BGN: variants seen among roughly 807,000 people sequenced by gnomAD.
BGN encodes the protein bone/cartilage proteoglycan-I.
In BGN, 6 loss-of-function variants were observed where a neutral mutation model predicts 20.0. The ratio of observed to expected loss-of-function variants is 0.30; its 90% CI spans 0.16 to 0.59. The LOEUF is 0.59. Among genes scored for constraint, BGN ranks in the 20% least tolerant of loss-of-function variants. The pLI is 0.88. For missense variants in BGN, 292 were observed against 312.1 expected (o/e 0.94, Z 0.49); for synonymous variants, 146 against 134.6 (o/e 1.08, Z -0.59).
At chrX:153,500,484 G>T (rs958630659) in intron 1 of BGN, among the ~76,000 whole-genome samples, 5 of 112,157 alleles carry the variant, frequency 4.5e-5, no homozygotes, top group African/African-American at 1.6e-4. Flanking sequence ...TTGAGGACTG[G>T]AGGGACTTGC....
At chrX:153,507,562 G>A (rs1337272378) in intron 7 of BGN, among the ~76,000 whole-genome samples, 4 of 112,970 alleles carry the variant, frequency 3.5e-5, no homozygotes, top group African/African-American at 6.4e-5. Flanking sequence ...GGATTCTATC[G>A]GGAGCTTCCA....
At chrX:153,505,201 C>T in intron 2 of BGN, 37 bp from the exon 3 acceptor site, 1 of 1,137,141 alleles carries the variant, frequency 8.8e-7, no homozygotes, top group Non-Finnish European at 1.2e-6. Flanking sequence ...GCCCCTAGGT[C>T]TCAAGTTCAT....
At chrX:153,504,931 C>T (rs1324907078) in intron 2 of BGN, 62 bp downstream of exon 2, 29 of 1,062,367 alleles carry the variant, frequency 2.7e-5, no homozygotes, top group Non-Finnish European at 3.6e-5. Context: ...CCTGAGAGCC[C>T]CTTCTGAAGG....
At chrX:153,503,637 G>A (rs1364971207) in intron 1 of BGN, among the ~76,000 whole-genome samples, 1 of 112,025 alleles carries the variant, frequency 8.9e-6, no homozygotes, top group Non-Finnish European at 1.9e-5. Flanking sequence ...CTGATGAGGA[G>A]GGAGGAGGCA....
At chrX:153,501,976 C>A (rs1328405453) in intron 1 of BGN, among the ~76,000 whole-genome samples, 1 of 112,485 alleles carries the variant, frequency 8.9e-6, no homozygotes, top group Non-Finnish European at 1.9e-5. Flanking sequence ...CCGCCTGAGA[C>A]CCCGATGGCC....
At chrX:153,500,953 T>C (rs1027656961) in intron 1 of BGN, among the ~76,000 whole-genome samples, 1 of 111,889 alleles carries the variant, frequency 8.9e-6, no homozygotes, top group East Asian at 2.8e-4. Flanking sequence ...TGTGTATACA[T>C]GGGTATGCAT....
At chrX:153,504,902 C>T in intron 2 of BGN, 33 bp downstream of exon 2, 1 of 1,138,047 alleles carries the variant, frequency 8.8e-7, no homozygotes, top group Non-Finnish European at 1.2e-6. Flanking sequence ...GCGGGGCATG[C>T]AGGGAGGCTC....
rs1556993364 is a variant in BGN, at chrX:153,507,037, C to G, written c.771-10C>G. The G allele has an allele frequency of 8.3e-7, 1 of 1,210,216 alleles. No individual in the cohort carries two copies. Among genetic ancestry groups the G allele is most frequent in the South Asian group, 1.8e-5 (1 of 56,848 alleles). ...CAGCCTTTGAGTCCGTGTCATTCTC[C>G]CGCTCACAGGCTGGGCCTAGGCCAC... On this transcript the variant is annotated splice_polypyrimidine_tract_variant and intron_variant, in intron 6 of 7. Transcript: ENST00000331595.
rs2065930793 is a variant in BGN, at chrX:153,506,763, C to T, written c.677-67C>T. On this transcript the variant is annotated intron_variant, in intron 5 of 7. Coordinates refer to ENST00000331595, the MANE Select transcript of BGN (RefSeq NM_001711.6). ...AGGCTCAACAGTCCCCTCCCGCCAC[C>T]TGGGGCAGAGCTAGGGCCCCTGCCC... 3 of 1,162,459 alleles carry T rather than the reference C, an allele frequency of 2.6e-6. No homozygotes were observed. In the African/African-American group the frequency reaches 5.3e-5, roughly 21 times the overall value.
intron 1 of BGN, among the ~76,000 whole-genome samples, chrX:153,504,183 C>G (rs1556992483): frequency 8.9e-6 from 1 of 112,023 alleles, no homozygotes; most frequent in Non-Finnish European, 1.9e-5. Flanking sequence ...CAGTGATGTC[C>G]CCAAAAGTGA....
Position 153,507,036 on chromosome X carries a change from C to T in BGN, c.771-11C>T, listed in dbSNP as rs781959279. The T allele has an allele frequency of 8.3e-7, 1 of 1,210,185 alleles. No individual in the cohort carries two copies. The highest frequency in any genetic ancestry group is 1.1e-6 in the Non-Finnish European group (1 of 894,222). On this transcript the variant is annotated splice_polypyrimidine_tract_variant and intron_variant, in intron 6 of 7. Transcript: ENST00000331595. ...CCAGCCTTTGAGTCCGTGTCATTCT[C>T]CCGCTCACAGGCTGGGCCTAGGCCA... is the stretch of plus-strand genomic sequence containing the variant.
At position 153,505,916 on chromosome X, in the gene BGN, C is replaced by T; in HGVS notation, c.405C>T (p.Ser135=). 2 of 1,211,901 alleles carry T rather than the reference C, an allele frequency of 1.7e-6. No individual in the cohort carries two copies. Among genetic ancestry groups the T allele is most frequent in the Non-Finnish European group, 1.1e-6 (1 of 895,550 alleles). ...CCAAGATCCATGAGAAGGCCTTCAGCCCACTGCGGAAGCTGCAGAAGCTCT... is the reference window on the plus strand; with the variant it reads ...CCAAGATCCATGAGAAGGCCTTCAGTCCACTGCGGAAGCTGCAGAAGCTCT... ...KISKIHEKAF[S]PLRKLQKLYI... Residue 135 remains serine, a synonymous_variant, in exon 4 of 8, where the codon AGC becomes AGT. Coordinates refer to ENST00000331595, the MANE Select transcript of BGN (RefSeq NM_001711.6).
chrX:153,497,913 C>T (rs782561437), intron 1 of BGN, among the ~76,000 whole-genome samples: 5 of 112,620 alleles, frequency 4.4e-5, no homozygotes, highest in Non-Finnish European at 3.8e-5. Context: ...CGTCATGGCT[C>T]TAGGTCAGAG....
At chrX:153,507,265 C>T (rs1290566558) in intron 7 of BGN, 80 bp downstream of exon 7, 5 of 1,085,175 alleles carry the variant, frequency 4.6e-6, no homozygotes, top group East Asian at 3.2e-5. Context: ...GTCCCTCAGT[C>T]CCCTGGCCCT....
chrX:153,499,689 C>G (rs1306104221), intron 1 of BGN, among the ~76,000 whole-genome samples: 1 of 113,335 alleles, frequency 8.8e-6, no homozygotes, highest in Non-Finnish European at 1.9e-5. Flanking sequence ...ACACGCCGGG[C>G]TTTGGCAAGG....
Position 153,500,763 on chromosome X carries a change from A to G in BGN, c.-11-3858A>G, listed in dbSNP as rs7064537. Among the ~76,000 whole-genome samples, 11 of 107,712 alleles carry G rather than the reference A, an allele frequency of 1.0e-4. No homozygotes were observed. The South Asian group carries it at 3.7e-3, about 36-fold the overall frequency. The allele number at this position is 107,712 out of a possible 115,157, so 93.5% of individuals were successfully genotyped here. On this transcript the variant is annotated intron_variant, in intron 1 of 7. Transcript: ENST00000331595. ...TGTGTGTACGTGTGTATAAATGTGT[A>G]TGTGTGCGTGTGTGTGCATGTGTGT... is the stretch of plus-strand genomic sequence containing the variant.
At chrX:153,499,001 C>T (rs782810836) in intron 1 of BGN, among the ~76,000 whole-genome samples, 4 of 112,085 alleles carry the variant, frequency 3.6e-5, no homozygotes, top group Non-Finnish European at 7.5e-5. Flanking sequence ...GACATGGGGG[C>T]AAGGACACAG....
At chrX:153,496,759 G>C (rs1238237792) in intron 1 of BGN, among the ~76,000 whole-genome samples, 1 of 112,228 alleles carries the variant, frequency 8.9e-6, no homozygotes, top group Admixed American at 9.3e-5. Context: ...CAACATTCCA[G>C]AGTCACTCAA....
chrX:153,503,201 C>T lies in BGN; in HGVS notation c.-11-1420C>T, dbSNP rs1204885801. On this transcript the variant is annotated intron_variant, in intron 1 of 7. Transcript: ENST00000331595. ...GCAACTGGGGAAGCATCGGGCAGGG[C>T]GGGGCTGCTCATAGGGTGCTGGCCT... Among the ~76,000 whole-genome samples, 4 of 112,779 alleles carry T rather than the reference C, an allele frequency of 3.5e-5. No homozygotes were observed. The East Asian group carries it at 8.4e-4, about 24-fold the overall frequency.
Sources: gnomAD v4.1 joint callset for allele counts (sites outside exome capture counted in the v4.1 genomes callset) on GRCh38, gnomAD v4.1.1 for gene constraint, MANE v1.5 for transcripts, NCBI Gene and HGNC (gene_info 2026-07-23, HGNC 2026-07-21) for gene names.